DENND2B: variants seen among roughly 807,000 people sequenced by gnomAD.
DENND2B encodes the protein DENN domain-containing protein 2B.
In DENND2B, 32 loss-of-function variants were observed where a neutral mutation model predicts 116.0. That is an observed-to-expected ratio of 0.28 (90% CI 0.21 to 0.37). The LOEUF (loss-of-function observed/expected upper bound fraction) is 0.37, where lower values mean the gene tolerates loss of function less well. Ranked by LOEUF, DENND2B falls within the 10% of genes least tolerant of loss-of-function variation. DENND2B has a pLI of 1.00. For synonymous variants in DENND2B, 588 were observed against 583.9 expected, an observed-to-expected ratio of 1.01 and a Z score of -0.10; for missense variants, 1,276 against 1,477.7, an observed-to-expected ratio of 0.86 and a Z score of 2.24.
intron 5 of DENND2B, 137 bp from the exon 6 acceptor site, chr11:8,715,955 C>G (rs1052538871): frequency 4.0e-6 from 3 of 754,770 alleles, no homozygotes; most frequent in Non-Finnish European, 6.2e-6. Flanking sequence ...ACTTCCATCC[C>G]TCTCTTAAGA....
intron 4 of DENND2B, among the ~76,000 whole-genome samples, chr11:8,828,940 AGTGT>A (rs1224577115): frequency 6.6e-6 from 1 of 151,114 alleles, no homozygotes; most frequent in Admixed American, 6.6e-5. Flanking sequence ...GGGAGGAGAA[AGTGT>A]GTGTGTGTGG....
At chr11:8,713,899 C>T (rs535772851) in intron 8 of DENND2B, 99 bp downstream of exon 8, 12 of 1,329,434 alleles carry the variant, frequency 9.0e-6, no homozygotes, top group Non-Finnish European at 1.1e-5. Context: ...CACATCAGGC[C>T]GGTTAGGGAC....
Position 8,714,373 on chromosome 11 carries a change from A to G in DENND2B, c.1942+237T>C, listed in dbSNP as rs558270646. Among the ~76,000 whole-genome samples, 41 of 152,352 alleles carry G rather than the reference A, an allele frequency of 2.7e-4. 1 individual carries two copies. The highest frequency in any genetic ancestry group is 9.1e-4 in the African/African-American group (38 of 41,586). ...AAATGGGAAACAGACCGCAATGCTC[A>G]GTGAGTCTGGCCTTTCCTTTTGCAG... On this transcript the variant is annotated intron_variant, in intron 7 of 19. Transcript: ENST00000313726.
chr11:8,876,938 G>C (rs1208020634), intron 2 of DENND2B, among the ~76,000 whole-genome samples: 1 of 149,448 alleles, frequency 6.7e-6, no homozygotes, highest in Non-Finnish European at 1.5e-5. Context: ...CTTGACTGCT[G>C]ATGCTGGGCA....
intron 1 of DENND2B, among the ~76,000 whole-genome samples, chr11:8,767,502 T>C (rs1015436061): frequency 2.0e-5 from 3 of 152,208 alleles, no homozygotes; most frequent in African/African-American, 7.2e-5. Context: ...AATTACAGAA[T>C]ACGTTCCAGA....
chr11:8,749,752 T>C (rs1162721092), intron 2 of DENND2B, among the ~76,000 whole-genome samples: 2 of 152,162 alleles, frequency 1.3e-5, no homozygotes, highest in Non-Finnish European at 2.9e-5. Context: ...TAGCTATCCA[T>C]CTTAGAGGCA....
chr11:8,696,438 C>T lies in DENND2B; in HGVS notation c.3281G>A (p.Cys1094Tyr). 6.2e-7 allele frequency: 1 copy of T among 1,614,216 alleles called. No homozygotes were observed. Residue 1094 changes from cysteine (C) to tyrosine (Y), a missense_variant, in exon 18 of 20, where the codon TGT becomes TAT. Around this residue, in one of 2 missense-constraint regions of DENND2B, gnomAD observed 420 missense variants for 631.1 expected, o/e 0.67. Coordinates refer to ENST00000313726, the MANE Select transcript of DENND2B (RefSeq NM_213618.2). ...GFIQDRELRK[C>Y]RAKGLFEQRV... is the part of the protein sequence containing the mutation. ...TAACCAAGACTTACCCTTTGCCCGA[C>T]ACTTTCTTAGCTCCCTGTCTTGGAT...
chr11:8,707,080 C>A lies in DENND2B; in HGVS notation c.2571+5G>T, dbSNP rs1442040663. ...CCCGAGAGAAGAGGGTGCAGAAATC[C>A]CTACCTCATTGCCAGCACCTGGCAG... is the stretch of plus-strand genomic sequence containing the variant. On this transcript the variant is annotated splice_donor_5th_base_variant and intron_variant, in intron 13 of 19. Coordinates refer to ENST00000313726, the MANE Select transcript of DENND2B (RefSeq NM_213618.2). The surrounding 1 kb of genome is among the most constrained non-coding windows in gnomAD (Gnocchi z 4.8). 8 of 1,611,736 alleles carry A rather than the reference C, an allele frequency of 5.0e-6. No homozygotes were observed. The highest frequency in any genetic ancestry group is 3.3e-4 in the Middle Eastern group (2 of 6,074).
chr11:8,753,760 T>C (rs2053015859), intron 1 of DENND2B, among the ~76,000 whole-genome samples: 1 of 152,196 alleles, frequency 6.6e-6, no homozygotes, highest in Non-Finnish European at 1.5e-5. Context: ...CTTACATTTA[T>C]GGTCAACAGA....
At chr11:8,861,713 A>G (rs2063397234) in intron 2 of DENND2B, among the ~76,000 whole-genome samples, 1 of 152,216 alleles carries the variant, frequency 6.6e-6, no homozygotes, top group African/African-American at 2.4e-5. Context: ...CATTATATCA[A>G]AAAGATACTT....
chr11:8,792,497 T>A (rs773336366), intron 1 of DENND2B, among the ~76,000 whole-genome samples: 13 of 152,132 alleles, frequency 8.5e-5, no homozygotes, highest in South Asian at 2.1e-4. Flanking sequence ...TCAAAAAAAA[T>A]TTTTATTGGG....
chr11:8,716,390 C>T (rs1311387516), intron 5 of DENND2B, among the ~76,000 whole-genome samples: 1 of 152,210 alleles, frequency 6.6e-6, no homozygotes, highest in Non-Finnish European at 1.5e-5. Context: ...GCTGCCCTCT[C>T]CCCAGCCCTG....
chr11:8,744,728 G>A (rs1356688621), intron 2 of DENND2B, among the ~76,000 whole-genome samples: 1 of 151,978 alleles, frequency 6.6e-6, no homozygotes, highest in African/African-American at 2.4e-5. Context: ...GTGACTGCTG[G>A]GTACCTCTTA....
intron 1 of DENND2B, among the ~76,000 whole-genome samples, chr11:8,797,117 C>T (rs569127417): frequency 1.8e-4 from 27 of 152,244 alleles, no homozygotes; most frequent in African/African-American, 5.5e-4. Context: ...AATCAAACAG[C>T]CTTAGATTTA....
At chr11:8,733,554 A>C (rs1303636444) in intron 2 of DENND2B, among the ~76,000 whole-genome samples, 1 of 152,166 alleles carries the variant, frequency 6.6e-6, no homozygotes, top group African/African-American at 2.4e-5. Context: ...TGAGACTCAC[A>C]ATCTCTTGGG....
chr11:8,785,676 T>G (rs1001455704), intron 1 of DENND2B: 2 of 152,232 alleles, frequency 1.3e-5, no homozygotes, highest in African/African-American at 4.8e-5. Flanking sequence ...GCCTAGCATG[T>G]GTGACCCAAG....
At chr11:8,826,662 C>T (rs996774077) in intron 4 of DENND2B, among the ~76,000 whole-genome samples, 2 of 152,176 alleles carry the variant, frequency 1.3e-5, no homozygotes, top group African/African-American at 2.4e-5. Context: ...ACTAAATAAA[C>T]GTCAACATCC....
At chr11:8,705,707 G>A (rs150957492) in intron 13 of DENND2B, among the ~76,000 whole-genome samples, 134 of 152,216 alleles carry the variant, frequency 8.8e-4, no homozygotes, top group African/African-American at 2.5e-3. Flanking sequence ...TCTACCCTGG[G>A]GCTCCAGCCA....
At chr11:8,843,632 C>T (rs11042098) in intron 3 of DENND2B, among the ~76,000 whole-genome samples, 41,005 of 152,050 alleles carry the variant, frequency 0.27, 5,830 homozygotes, top group East Asian at 0.54. Flanking sequence ...GCCCCACCAC[C>T]GCCTCTCCTT....
Sources: gnomAD v4.1 joint callset for allele counts (sites outside exome capture counted in the v4.1 genomes callset) on GRCh38, gnomAD v4.1.1 for gene constraint, gnomAD v4.1.1 regional missense constraint, Gnocchi (gnomAD v3.1) non-coding constraint, MANE v1.5 for transcripts, NCBI Gene and HGNC (gene_info 2026-07-23, HGNC 2026-07-21) for gene names.